Variants in PDE6B observed in about 807,000 individuals in gnomAD.
The protein encoded by PDE6B is phosphodiesterase 6B.
In PDE6B, 106 loss-of-function variants were observed where a neutral mutation model predicts 109.0. The observed-to-expected ratio is 0.97, with a 90% CI of 0.83 to 1.14. The LOEUF is 1.14. Among genes scored for constraint, PDE6B ranks in the 50% most tolerant of loss-of-function variants. PDE6B has a pLI of 0.00. For missense variants in PDE6B, 1,193 were observed against 1,155.6 expected (o/e 1.03, Z -0.47); for synonymous variants, 490 against 471.3 (o/e 1.04, Z -0.51).
chr4:631,895 G>C (rs1347243777), intron 1 of PDE6B, among the ~76,000 whole-genome samples: 2 of 151,638 alleles, frequency 1.3e-5, no homozygotes, highest in African/African-American at 4.8e-5. Context: ...TGCTATCTCA[G>C]GGTCACATTG....
At chr4:661,121 G>C (rs1446643651) in intron 12 of PDE6B, 1 of 155,822 alleles carries the variant, frequency 6.4e-6, no homozygotes, top group East Asian at 1.9e-4. Context: ...ATGAGTGATA[G>C]ATGAGTAGGT....
chr4:662,288 C>A lies in PDE6B; in HGVS notation c.1722+47C>A. ...CAGGGTTGTGCAGGCCCTCCTGGTA[C>A]CAAGGGCAGCACTCAAGCACCCCGA... On this transcript the variant is annotated intron_variant, in intron 13 of 21. Transcript: ENST00000496514. This position sits in a 1 kb window ranked among gnomAD's most constrained non-coding sequence, Gnocchi z 4.3. 2 of 1,111,826 alleles carry A rather than the reference C, an allele frequency of 1.8e-6. No individual in the cohort carries two copies. Among genetic ancestry groups the A allele is most frequent in the Non-Finnish European group, 2.7e-6 (2 of 746,772 alleles). 68.9% of individuals were successfully genotyped at this position (1,111,826 alleles called of 1,614,324 possible).
chr4:664,588 A>C (rs573046571), intron 17 of PDE6B, among the ~76,000 whole-genome samples: 1 of 152,184 alleles, frequency 6.6e-6, no homozygotes, highest in South Asian at 2.1e-4. Flanking sequence ...GGCCGAGGGG[A>C]GTGGATCACC....
At chr4:629,219 C>T (rs1359766146) in intron 1 of PDE6B, among the ~76,000 whole-genome samples, 1 of 152,170 alleles carries the variant, frequency 6.6e-6, no homozygotes. Flanking sequence ...GGTGGCATGG[C>T]CTTCCCCATC....
chr4:668,112 T>A (rs1397992644), intron 21 of PDE6B, 106 bp downstream of exon 21: 1 of 1,170,624 alleles, frequency 8.5e-7, no homozygotes, highest in Non-Finnish European at 1.2e-6. Flanking sequence ...GCAGAGCCAC[T>A]TTCAAGAAGC....
At chr4:667,488 CGTGT>C (rs376359440) in intron 20 of PDE6B, among the ~76,000 whole-genome samples, 1 of 152,126 alleles carries the variant, frequency 6.6e-6, no homozygotes, top group African/African-American at 2.4e-5. Flanking sequence ...TGATGTGTGC[CGTGT>C]GTGTGTGGGA....
chr4:662,473 C>A lies in PDE6B; in HGVS notation c.1723-36C>A. 1 of 1,412,762 alleles carries A rather than the reference C, an allele frequency of 7.1e-7. No individual in the cohort carries two copies. The highest frequency in any genetic ancestry group is 1.0e-6 in the Non-Finnish European group (1 of 996,940). 87.5% of individuals were successfully genotyped at this position (1,412,762 alleles called of 1,614,324 possible). On this transcript the variant is annotated intron_variant, in intron 13 of 21. Transcript: ENST00000496514. This position sits in a 1 kb window ranked among gnomAD's most constrained non-coding sequence, Gnocchi z 4.3. ...CTCACCACTCCCCACCCTGCTGGAG[C>A]CAGGACCGGTGAGCAAGGTGGCCCT... is the stretch of plus-strand genomic sequence containing the variant.
At chr4:649,797 G>T (rs1735404338) in intron 3 of PDE6B, among the ~76,000 whole-genome samples, 1 of 152,158 alleles carries the variant, frequency 6.6e-6, no homozygotes, top group Non-Finnish European at 1.5e-5. Flanking sequence ...AGCCAGTGGG[G>T]ATCCCATCTG....
At chr4:655,170 A>G (rs1229532330) in intron 6 of PDE6B, 1 of 525,712 alleles carries the variant, frequency 1.9e-6, no homozygotes, top group Non-Finnish European at 3.5e-6. Context: ...GGACCAGGCA[A>G]GCTGTCCAGG....
rs1238401221 is a variant in PDE6B at position 660,728 on chromosome 4, T to A, written c.1614+115T>A. 7 of 879,850 alleles carry A rather than the reference T, an allele frequency of 8.0e-6. No individual in the cohort carries two copies. The Admixed American group carries it at 1.2e-4, about 14-fold the overall frequency. The allele number at this position is 879,850 out of a possible 1,614,324, so 54.5% of individuals were successfully genotyped here. ...AAGGTGAGGGGGATGGGATTGGGGGTTCCAGATCCCACAGGAAGTTTAGAG... is the reference window on the plus strand; with the variant it reads ...AAGGTGAGGGGGATGGGATTGGGGGATCCAGATCCCACAGGAAGTTTAGAG... On this transcript the variant is annotated intron_variant, in intron 12 of 21. Transcript: ENST00000496514.
chr4:625,605 T>C lies in PDE6B; in HGVS notation c.-22T>C, dbSNP rs1256931535. 7.2e-6 allele frequency: 11 copies of C among 1,526,946 alleles called. No individual in the cohort carries two copies. Among genetic ancestry groups the C allele is most frequent in the Non-Finnish European group, 1.0e-5 (11 of 1,100,550 alleles). 94.6% of individuals were successfully genotyped at this position (1,526,946 alleles called of 1,614,324 possible). The stretch of plus-strand genomic sequence containing the variant: ...TCCATGCGTGCCTGGAGCAGCAGCG[T>C]CTCCAGGGACAGGCAGCCACCATGA... On this transcript the variant is annotated 5_prime_UTR_variant, in exon 1 of 22. Transcript: ENST00000496514. This position sits in a 1 kb window ranked among gnomAD's most constrained non-coding sequence, Gnocchi z 5.0.
rs149293844 is a variant in PDE6B, at chr4:634,823, C to G, written c.615C>G (p.Asp205Glu). The G allele has an allele frequency of 2.5e-6, 4 of 1,613,676 alleles. No individual in the cohort carries two copies. The South Asian group carries it at 4.4e-5, about 18-fold the overall frequency. The change falls in exon 2 of 22, where the codon GAC becomes GAG. Residue 205 changes from aspartate (D) to glutamate (E), a missense_variant. Coordinates refer to ENST00000496514, the MANE Select transcript of PDE6B (RefSeq NM_000283.4). ...KLNGPFFTSE[D>E]EDVFLKYLNF... Reference sequence around the variant, plus strand: ...ACGGCCCATTCTTCACCAGCGAAGACGAAGATGTGAGTGTGGGGGGCACCT... The same window carrying G: ...ACGGCCCATTCTTCACCAGCGAAGAGGAAGATGTGAGTGTGGGGGGCACCT...
chr4:667,732 G>A (rs920235523), intron 20 of PDE6B, 124 bp from the exon 21 acceptor site: 31 of 1,018,568 alleles, frequency 3.0e-5, no homozygotes, highest in Middle Eastern at 2.7e-4. Context: ...TGCCCCCTCC[G>A]TGGCGCTCCC....
intron 3 of PDE6B, among the ~76,000 whole-genome samples, chr4:650,784 G>A (rs142289694): frequency 3.3e-4 from 51 of 152,294 alleles, no homozygotes; most frequent in African/African-American, 1.1e-3. Flanking sequence ...GAGCCATTCC[G>A]GAGGGCAGGG....
rs1718069219 is a variant in PDE6B at position 663,181 on chromosome 4, G to A, written c.1914G>A (p.Ser638=). 3.2e-6 allele frequency: 5 copies of A among 1,583,492 alleles called. No individual in the cohort carries two copies. Among genetic ancestry groups the A allele is most frequent in the East Asian group, 4.5e-5 (2 of 44,718 alleles). The change falls in exon 15 of 22, where the codon TCG becomes TCA. Residue 638 remains serine, a synonymous_variant. Transcript: ENST00000496514. The surrounding 1 kb of genome is among the most constrained non-coding windows in gnomAD (Gnocchi z 4.0). The part of the protein sequence containing the change: ...HHLEFGKFLL[S]EETLNIYQNL... ...TGGAGTTTGGGAAGTTCCTGCTCTC[G>A]GAGGAGGTTGGTATACTCACCCTCG...
At chr4:646,592 A>C (rs567808818) in intron 3 of PDE6B, among the ~76,000 whole-genome samples, 1 of 151,542 alleles carries the variant, frequency 6.6e-6, no homozygotes, top group African/African-American at 2.4e-5. Context: ...CCCGCCGCCC[A>C]CTCGCACCTT....
In PDE6B at chr4:663,960, C is replaced by T. The variant is rs1737461149; in HGVS notation, c.2021+90C>T. The T allele has an allele frequency of 2.7e-6, 3 of 1,128,196 alleles. No homozygotes were observed. Among genetic ancestry groups the T allele is most frequent in the Non-Finnish European group, 1.3e-6 (1 of 770,778 alleles). 69.9% of individuals were successfully genotyped at this position (1,128,196 alleles called of 1,614,324 possible). A position where few individuals can be genotyped will look rare whatever the true frequency, so the allele number is the denominator to read the frequency against. On this transcript the variant is annotated intron_variant, in intron 16 of 21. Coordinates refer to ENST00000496514, the MANE Select transcript of PDE6B (RefSeq NM_000283.4). This position sits in a 1 kb window ranked among gnomAD's most constrained non-coding sequence, Gnocchi z 4.0. ...ACGGGGGCGCAGCGGCGGCACAGCC[C>T]GGGGGACGCAGCCCCGGATTCCGTC...
At chr4:632,983 G>A (rs1489501124) in intron 1 of PDE6B, among the ~76,000 whole-genome samples, 1 of 152,202 alleles carries the variant, frequency 6.6e-6, no homozygotes, top group Non-Finnish European at 1.5e-5. Flanking sequence ...GGTAGAAAGG[G>A]AGGGAAACAG....
At chr4:659,996 G>A (rs566593452) in intron 11 of PDE6B, among the ~76,000 whole-genome samples, 1 of 152,128 alleles carries the variant, frequency 6.6e-6, no homozygotes, top group African/African-American at 2.4e-5. Context: ...TTACCTCATG[G>A]CTGTGTGTGT....
Sources: gnomAD v4.1 joint callset for allele counts (sites outside exome capture counted in the v4.1 genomes callset) on GRCh38, gnomAD v4.1.1 for gene constraint, Gnocchi (gnomAD v3.1) non-coding constraint, MANE v1.5 for transcripts, NCBI Gene and HGNC (gene_info 2026-07-23, HGNC 2026-07-21) for gene names.